Variants in PHF3 observed in about 807,000 individuals in gnomAD.
The protein encoded by PHF3 is PHD finger protein 3.
Under a neutral mutation model 178.4 loss-of-function variants are expected in PHF3, and 41 were observed. That is an observed-to-expected ratio of 0.23 (90% confidence interval 0.18 to 0.30). PHF3 has a LOEUF of 0.30. PHF3 is among the 10% of genes least tolerant of loss of function. The pLI is 1.00. For missense variants in PHF3, 2,346 were observed against 2,398.1 expected, an observed-to-expected ratio of 0.98 and a Z score of 0.45; for synonymous variants, 842 against 800.5, an observed-to-expected ratio of 1.05 and a Z score of -0.88.
chr6:63,673,052 A>C (rs1375446509), intron 2 of PHF3, among the ~76,000 whole-genome samples: 3 of 150,014 alleles, frequency 2.0e-5, no homozygotes. Flanking sequence ...AGCTCCTTCA[A>C]ATTTATTTCT....
Position 63,698,573 on chromosome 6 carries a change from T to C in PHF3, c.2950T>C (p.Leu984=). 6.3e-7 allele frequency: 1 copy of C among 1,577,834 alleles called. No individual in the cohort carries two copies. ...TAAATATAAGAACAAATATAGAAGT[T>C]TGATGTTTAATTTGAAAGATCCTAA... The part of the protein sequence containing the change: ...DAKYKNKYRS[L]MFNLKDPKNN... The change falls in exon 8 of 16, where the codon TTG becomes CTG. Residue 984 remains leucine (L), a synonymous_variant. Coordinates refer to ENST00000262043, the MANE Select transcript of PHF3 (RefSeq NM_001370348.2).
intron 1 of PHF3, among the ~76,000 whole-genome samples, chr6:63,637,331 G>A (rs1235723971): frequency 2.6e-5 from 4 of 152,052 alleles, no homozygotes; most frequent in East Asian, 3.8e-4. Context: ...ACAAAACTAC[G>A]CCTCCATTAT....
At chr6:63,659,406 A>G (rs970238331) in intron 2 of PHF3, among the ~76,000 whole-genome samples, 1 of 152,224 alleles carries the variant, frequency 6.6e-6, no homozygotes, top group Non-Finnish European at 1.5e-5. Context: ...TGATTTCAAG[A>G]TGAGTATTGT....
At chr6:63,637,182 A>T (rs970416001) in intron 1 of PHF3, among the ~76,000 whole-genome samples, 1 of 152,228 alleles carries the variant, frequency 6.6e-6, no homozygotes, top group African/African-American at 2.4e-5. Flanking sequence ...TACTAACTTT[A>T]CTATCTTATT....
intron 4 of PHF3, among the ~76,000 whole-genome samples, chr6:63,688,176 ACTCCGTCTCAAAAAAAAAAAAAAAG>A (rs2149587521): frequency 1.1e-5 from 1 of 91,376 alleles, no homozygotes; most frequent in Admixed American, 1.4e-4. Context: ...ACAGAGCAAG[ACTCCGTCTCAAAAAAAAAAAAAAAG>A]CCTATGTAAT....
intron 2 of PHF3, among the ~76,000 whole-genome samples, chr6:63,652,404 T>C (rs1476329619): frequency 6.6e-6 from 1 of 152,110 alleles, no homozygotes; most frequent in Admixed American, 6.5e-5. Context: ...TTTGTTGTTG[T>C]TGTTGTTTGA....
intron 8 of PHF3, among the ~76,000 whole-genome samples, chr6:63,699,620 C>T (rs1382955913): frequency 2.6e-5 from 4 of 151,936 alleles, no homozygotes; most frequent in Non-Finnish European, 4.4e-5. Flanking sequence ...GAGACAGAGT[C>T]TTGCCCTGTC....
At position 63,721,012 on chromosome 6, in the gene PHF3, C is replaced by A. The variant is rs888739369; in HGVS notation, c.*7304C>A. 7 of 1,551,090 alleles carry A rather than the reference C, an allele frequency of 4.5e-6. No individual in the cohort carries two copies. The African/African-American group carries it at 5.5e-5, about 12-fold the overall frequency. Reference sequence around the variant, plus strand: ...TTATGGAGACCAATTGCCAGAAAATCATTTTCTTCATTTTGAGCTATTCCC... The same window carrying A: ...TTATGGAGACCAATTGCCAGAAAATAATTTTCTTCATTTTGAGCTATTCCC... On this transcript the variant is annotated 3_prime_UTR_variant, in exon 16 of 16. Transcript: ENST00000262043.
At chr6:63,676,936 C>G (rs974562558) in intron 2 of PHF3, among the ~76,000 whole-genome samples, 4 of 151,990 alleles carry the variant, frequency 2.6e-5, no homozygotes, top group Non-Finnish European at 5.9e-5. Context: ...ATAAAGCTAG[C>G]AGGATATGCC....
intron 1 of PHF3, among the ~76,000 whole-genome samples, chr6:63,642,221 G>A (rs556894890): frequency 1.3e-5 from 2 of 152,274 alleles, no homozygotes; most frequent in South Asian, 4.1e-4. Flanking sequence ...AAGACATGCT[G>A]TTCCCTTTGC....
rs1768084593 is a variant in PHF3, at chr6:63,713,816, C to T, written c.*108C>T. On this transcript the variant is annotated 3_prime_UTR_variant, in exon 16 of 16. Transcript: ENST00000262043. ...GATTGTGCCATCTTTAAAATTTTTA[C>T]TATTGGTCATTTGCAGAACAGTAAA... 4 of 917,216 alleles carry T rather than the reference C, an allele frequency of 4.4e-6. No homozygotes were observed. Among genetic ancestry groups the T allele is most frequent in the Non-Finnish European group, 4.8e-6 (3 of 620,930 alleles). The allele number at this position is 917,216 out of a possible 1,614,324, so 56.8% of individuals were successfully genotyped here.
At chr6:63,680,201 A>G in intron 3 of PHF3, 40 bp downstream of exon 3, 1 of 1,492,658 alleles carries the variant, frequency 6.7e-7, no homozygotes, top group Non-Finnish European at 9.1e-7. Flanking sequence ...AATTAGAGGT[A>G]TAGGGACAGA....
At chr6:63,703,076 C>T (rs1224997391) in intron 10 of PHF3, among the ~76,000 whole-genome samples, 1 of 151,080 alleles carries the variant, frequency 6.6e-6, no homozygotes, top group Non-Finnish European at 1.5e-5. Context: ...CAGAGTTTCA[C>T]CATGTTGGCC....
At chr6:63,643,314 A>G (rs1212329664) in intron 1 of PHF3, among the ~76,000 whole-genome samples, 7 of 152,212 alleles carry the variant, frequency 4.6e-5, no homozygotes, top group Non-Finnish European at 8.8e-5. Flanking sequence ...AAAATGAATT[A>G]TACCTCCAGT....
chr6:63,701,240 T>G (rs1767461678), intron 9 of PHF3, among the ~76,000 whole-genome samples: 1 of 152,208 alleles, frequency 6.6e-6, no homozygotes, highest in Non-Finnish European at 1.5e-5. Context: ...TAACCTGAAT[T>G]GCCATGTATG....
chr6:63,648,031 C>A (rs930440763), intron 2 of PHF3, among the ~76,000 whole-genome samples: 1 of 152,122 alleles, frequency 6.6e-6, no homozygotes, highest in African/African-American at 2.4e-5. Context: ...AGGTGGTCTG[C>A]TGTTGGCCCT....
At chr6:63,703,800 T>A in intron 11 of PHF3, 129 bp downstream of exon 11, 1 of 831,640 alleles carries the variant, frequency 1.2e-6, no homozygotes, top group South Asian at 1.9e-5. Flanking sequence ...CTCACAGTCT[T>A]TAAGCTTTCG....
chr6:63,641,380 A>G (rs1764564652), intron 1 of PHF3, among the ~76,000 whole-genome samples: 1 of 152,086 alleles, frequency 6.6e-6, no homozygotes, highest in Non-Finnish European at 1.5e-5. Context: ...GAGCGATATT[A>G]GTCTCCTGAT....
Position 63,679,516 on chromosome 6 carries a change from A to G in PHF3, c.245-484A>G, listed in dbSNP as rs1040568526. Reference sequence around the variant, plus strand: ...TTTTTTTTTCTTTTGGTACCAGTCAAAAGTACATCTGCATTGCTTGCTTTC... The same window carrying G: ...TTTTTTTTTCTTTTGGTACCAGTCAGAAGTACATCTGCATTGCTTGCTTTC... On this transcript the variant is annotated intron_variant, in intron 2 of 15. Coordinates refer to ENST00000262043, the MANE Select transcript of PHF3 (RefSeq NM_001370348.2). 2.6e-5 allele frequency among the ~76,000 whole-genome samples: 4 copies of G among 151,690 alleles called. No individual in the cohort carries two copies. The East Asian group carries it at 7.7e-4, about 29-fold the overall frequency.
Sources: allele counts gnomAD v4.1 joint callset (sites outside exome capture counted in the v4.1 genomes callset), GRCh38; gene constraint gnomAD v4.1.1; transcripts MANE v1.5; gene names NCBI Gene and HGNC (gene_info 2026-07-23, HGNC 2026-07-21).